Variants in MLLT3 observed in about 807,000 individuals in gnomAD.
MLLT3 encodes the protein protein AF-9.
MLLT3 carries 4 observed loss-of-function variants against 53.2 expected under a neutral mutation model. The observed-to-expected ratio is 0.08, with a 90% CI of 0.04 to 0.17. The LOEUF (loss-of-function observed/expected upper bound fraction) is 0.17. Ranked by LOEUF, MLLT3 falls within the 10% of genes least tolerant of loss-of-function variation. The pLI is 1.00. For synonymous variants in MLLT3, 283 were observed against 230.6 expected (o/e 1.23, Z -2.06); for missense variants, 569 against 684.0 (o/e 0.83, Z 1.87).
rs1821688127 is a variant in MLLT3 at position 20,374,041 on chromosome 9, T to C, written c.1126-8297A>G. 3.3e-5 allele frequency among the ~76,000 whole-genome samples: 5 copies of C among 151,874 alleles called. No individual in the cohort carries two copies. The South Asian group carries it at 8.3e-4, about 25-fold the overall frequency. ...TCCACCTCATTTAGTTTCTCCTCTG[T>C]AGGAAACTGAAAATAATCCACTCAA... is the stretch of plus-strand genomic sequence containing the variant. On this transcript the variant is annotated intron_variant, in intron 5 of 10. Coordinates refer to ENST00000380338, the MANE Select transcript of MLLT3 (RefSeq NM_004529.4).
chr9:20,469,945 A>G (rs1192221079), intron 2 of MLLT3, among the ~76,000 whole-genome samples: 1 of 152,070 alleles, frequency 6.6e-6, no homozygotes. Flanking sequence ...GAACTATAAA[A>G]TGTCAAATAT....
In MLLT3 at chr9:20,343,358, C is replaced by T. The variant is rs1057312110; in HGVS notation, c.*3085G>A. On this transcript the variant is annotated 3_prime_UTR_variant, in exon 11 of 11. Coordinates refer to ENST00000380338, the MANE Select transcript of MLLT3 (RefSeq NM_004529.4). ...TCTTAAGAGATATTTTTTTCCTGAT[C>T]TGAAGTTTTTATAGTCTTCCCTACC... The T allele has an allele frequency of 4.3e-5, 9 of 211,106 alleles. No homozygotes were observed. The highest frequency in any genetic ancestry group is 1.8e-4 in the African/African-American group (8 of 43,948). 13.1% of individuals were successfully genotyped at this position (211,106 alleles called of 1,614,324 possible). A position where few individuals can be genotyped will look rare whatever the true frequency, so the allele number is the denominator to read the frequency against.
intron 2 of MLLT3, among the ~76,000 whole-genome samples, chr9:20,587,692 G>GT (rs1243025300): frequency 2.0e-5 from 3 of 152,026 alleles, no homozygotes; most frequent in Non-Finnish European, 2.9e-5. Context: ...GGGGTTGTTT[G>GT]TTTTTTTCTT....
chr9:20,517,151 G>A (rs1472406645), intron 2 of MLLT3, among the ~76,000 whole-genome samples: 1 of 152,074 alleles, frequency 6.6e-6, no homozygotes, highest in East Asian at 1.9e-4. Flanking sequence ...TATTTACTGT[G>A]TATTATAATG....
intron 2 of MLLT3, among the ~76,000 whole-genome samples, chr9:20,593,179 G>T (rs1014735303): frequency 6.6e-6 from 1 of 152,128 alleles, no homozygotes; most frequent in Non-Finnish European, 1.5e-5. Flanking sequence ...CTTCAATATT[G>T]TAAATTTAAA....
intron 4 of MLLT3, among the ~76,000 whole-genome samples, chr9:20,442,398 G>C: frequency 6.6e-6 from 1 of 152,158 alleles, no homozygotes; most frequent in Non-Finnish European, 1.5e-5. Flanking sequence ...TGTGCACAAA[G>C]AACTATGTAT....
chr9:20,533,442 T>G (rs1254163208), intron 2 of MLLT3: 2 of 162,788 alleles, frequency 1.2e-5, no homozygotes, highest in African/African-American at 4.8e-5. Flanking sequence ...GATGGCTGTT[T>G]AAAAAATCTA....
Position 20,343,828 on chromosome 9 carries a change from G to A in MLLT3, c.*2615C>T, listed in dbSNP as rs1029669916. 1.4e-5 allele frequency: 3 copies of A among 210,106 alleles called. No individual in the cohort carries two copies. The highest frequency in any genetic ancestry group is 6.8e-5 in the African/African-American group (3 of 44,128). 13.0% of individuals were successfully genotyped at this position (210,106 alleles called of 1,614,324 possible). On this transcript the variant is annotated 3_prime_UTR_variant, in exon 11 of 11. Transcript: ENST00000380338. ...CACATGTCAAAGATATTCTTAATAG[G>A]CTTCAAAGTTGGGTGTATATAAATG...
rs952885740 is a variant in MLLT3, at chr9:20,414,279, A to ACTG, written c.564_566dup (p.Ser190dup). 2.0e-5 allele frequency: 32 copies of ACTG among 1,608,738 alleles called. No individual in the cohort carries two copies. Among genetic ancestry groups the ACTG allele is most frequent in the African/African-American group, 1.1e-4 (8 of 74,274 alleles). On this transcript the variant is annotated inframe_insertion, in exon 5 of 11. Transcript: ENST00000380338. ...TGTGAGGCTTTGAAAAACTGGTACT[A>ACTG]CTGCTGCTGCTGCTGCTGCTACTGC...
intron 2 of MLLT3, among the ~76,000 whole-genome samples, chr9:20,538,667 A>T (rs1249904270): frequency 3.3e-5 from 5 of 152,272 alleles, no homozygotes; most frequent in South Asian, 2.1e-4. Context: ...AAAAATTTAT[A>T]AACTATATAA....
intron 5 of MLLT3, among the ~76,000 whole-genome samples, chr9:20,378,959 G>C (rs1821843541): frequency 1.3e-5 from 2 of 152,154 alleles, no homozygotes; most frequent in Middle Eastern, 6.8e-3. Flanking sequence ...TAGGAGGAAT[G>C]CTGCTGCTTA....
At chr9:20,478,344 G>T (rs1006586099) in intron 2 of MLLT3, among the ~76,000 whole-genome samples, 1 of 152,304 alleles carries the variant, frequency 6.6e-6, no homozygotes, top group Admixed American at 6.5e-5. Context: ...TCTGTGAAAA[G>T]AGTTGTTCTG....
chr9:20,357,386 A>G (rs2118621157), intron 8 of MLLT3, among the ~76,000 whole-genome samples: 1 of 152,316 alleles, frequency 6.6e-6, no homozygotes, highest in South Asian at 2.1e-4. Flanking sequence ...TTACCTATTA[A>G]ATTGTACTGA....
intron 4 of MLLT3, among the ~76,000 whole-genome samples, chr9:20,434,423 A>T (rs1311032036): frequency 6.6e-6 from 1 of 152,178 alleles, no homozygotes; most frequent in Non-Finnish European, 1.5e-5. Context: ...AAAGTAAGTA[A>T]ATAGTATTTG....
At chr9:20,457,238 C>CTTTTTT (rs769037689) in intron 2 of MLLT3, among the ~76,000 whole-genome samples, 1 of 63,738 alleles carries the variant, frequency 1.6e-5, no homozygotes, top group Non-Finnish European at 3.3e-5. Context: ...ACAAGGACAT[C>CTTTTTT]TTTTTTTTTT....
intron 2 of MLLT3, among the ~76,000 whole-genome samples, chr9:20,501,753 G>A (rs1156998462): frequency 2.2e-5 from 2 of 90,342 alleles, no homozygotes; most frequent in Non-Finnish European, 3.9e-5. Flanking sequence ...GCGAGACTCC[G>A]TCTCAAAAAA....
intron 2 of MLLT3, among the ~76,000 whole-genome samples, chr9:20,499,409 G>A (rs1419039221): frequency 1.3e-5 from 2 of 152,130 alleles, no homozygotes; most frequent in Non-Finnish European, 2.9e-5. Flanking sequence ...GCATGTGTGA[G>A]GGGAGAGGGT....
intron 2 of MLLT3, among the ~76,000 whole-genome samples, chr9:20,568,786 A>G (rs1328630396): frequency 6.6e-6 from 1 of 152,216 alleles, no homozygotes; most frequent in Non-Finnish European, 1.5e-5. Context: ...CTTGTTATGT[A>G]CAAAAAACTT....
intron 5 of MLLT3, among the ~76,000 whole-genome samples, chr9:20,385,277 T>C (rs943299655): frequency 6.6e-6 from 1 of 152,044 alleles, no homozygotes; most frequent in South Asian, 2.1e-4. Context: ...TGTGTGACAG[T>C]AGTATTATTT....
Sources: gnomAD v4.1 joint callset for allele counts (sites outside exome capture counted in the v4.1 genomes callset) on GRCh38, gnomAD v4.1.1 for gene constraint, MANE v1.5 for transcripts, NCBI Gene and HGNC (gene_info 2026-07-23, HGNC 2026-07-21) for gene names.